The following PATJ variants were observed in gnomAD, a reference collection of about 807,000 sequenced individuals.
PATJ encodes inaD-like protein.
Under a neutral mutation model 224.9 loss-of-function variants are expected in PATJ, and 190 were observed. That is an observed-to-expected ratio of 0.84 (90% CI 0.75 to 0.95). The LOEUF (loss-of-function observed/expected upper bound fraction) is 0.95, where lower values mean the gene tolerates loss of function less well. PATJ is among the 40% of genes least tolerant of loss of function. PATJ has a pLI of 0.00. For synonymous variants in PATJ, 769 were observed against 820.3 expected, an observed-to-expected ratio of 0.94 and a Z score of 1.07; for missense variants, 2,121 against 2,270.3, an observed-to-expected ratio of 0.93 and a Z score of 1.34.
intron 32 of PATJ, among the ~76,000 whole-genome samples, chr1:62,083,597 A>G (rs1263089532): frequency 6.6e-6 from 1 of 152,218 alleles, no homozygotes; most frequent in East Asian, 1.9e-4. Context: ...AACCTTTGTA[A>G]AAAAGCAATA....
intron 20 of PATJ, among the ~76,000 whole-genome samples, chr1:61,874,148 G>C (rs1439860299): frequency 6.6e-6 from 1 of 151,930 alleles, no homozygotes; most frequent in Non-Finnish European, 1.5e-5. Context: ...GGGTGGAAGA[G>C]TGGAATGAGC....
At chr1:61,908,964 T>C (rs913598879) in intron 25 of PATJ, among the ~76,000 whole-genome samples, 1 of 152,180 alleles carries the variant, frequency 6.6e-6, no homozygotes, top group African/African-American at 2.4e-5. Flanking sequence ...ACAGCAATAT[T>C]TAATCATAAA....
At chr1:61,915,917 G>C (rs1039088871) in intron 26 of PATJ, among the ~76,000 whole-genome samples, 1 of 151,884 alleles carries the variant, frequency 6.6e-6, no homozygotes, top group South Asian at 2.1e-4. Flanking sequence ...GGATGGTCTC[G>C]ATCTCTTGAC....
chr1:62,141,691 C>G (rs1347983379), intron 41 of PATJ, among the ~76,000 whole-genome samples: 1 of 135,512 alleles, frequency 7.4e-6, no homozygotes, highest in Non-Finnish European at 1.6e-5. Context: ...AAAAAAAATA[C>G]GGTGACTCAC....
intron 41 of PATJ, among the ~76,000 whole-genome samples, chr1:62,131,291 G>C (rs139744819): frequency 8.0e-4 from 122 of 152,188 alleles, no homozygotes; most frequent in Middle Eastern, 3.4e-3. Flanking sequence ...TTCACGTTAT[G>C]CTGACCCCTA....
chr1:62,123,367 A>G (rs1233777995), intron 39 of PATJ, among the ~76,000 whole-genome samples: 1 of 151,818 alleles, frequency 6.6e-6, no homozygotes, highest in African/African-American at 2.4e-5. Flanking sequence ...TAAAACAAAA[A>G]TGGTATCATG....
intron 29 of PATJ, among the ~76,000 whole-genome samples, chr1:62,033,571 C>G (rs1337381543): frequency 9.2e-5 from 14 of 152,160 alleles, no homozygotes; most frequent in Admixed American, 9.2e-4. Flanking sequence ...GCATCTGCCC[C>G]CTTTATCCAA....
chr1:61,989,124 A>C (rs1345393226), intron 27 of PATJ, among the ~76,000 whole-genome samples: 1 of 152,214 alleles, frequency 6.6e-6, no homozygotes, highest in East Asian at 1.9e-4. Flanking sequence ...TTTGCTGCAC[A>C]GAACCAACAC....
chr1:62,068,211 G>A (rs1322387338), intron 31 of PATJ, among the ~76,000 whole-genome samples: 1 of 152,210 alleles, frequency 6.6e-6, no homozygotes. Context: ...GGAGAGATGG[G>A]CTCCACCCTG....
chr1:61,771,204 C>G (rs1301239382), intron 5 of PATJ, among the ~76,000 whole-genome samples: 1 of 152,022 alleles, frequency 6.6e-6, no homozygotes, highest in Non-Finnish European at 1.5e-5. Flanking sequence ...AGGCAGATAG[C>G]TTTTAAAGTG....
intron 20 of PATJ, among the ~76,000 whole-genome samples, chr1:61,871,541 A>G (rs867515722): frequency 0.01 from 424 of 41,828 alleles, 2 homozygotes; most frequent in African/African-American, 0.019. Flanking sequence ...GTGTGTGTGT[A>G]TATATATATA....
intron 31 of PATJ, chr1:62,073,017 T>G: frequency 2.0e-6 from 2 of 985,262 alleles, no homozygotes; most frequent in Non-Finnish European, 2.4e-6. Flanking sequence ...CTTTTACATT[T>G]CAGGAAGACA....
At chr1:61,905,226 G>T (rs770032484) in intron 24 of PATJ, among the ~76,000 whole-genome samples, 1 of 152,226 alleles carries the variant, frequency 6.6e-6, no homozygotes, top group Non-Finnish European at 1.5e-5. Flanking sequence ...CTGTTTTCTG[G>T]GGTGTCAGAG....
At chr1:61,784,637 G>C (rs573195331) in intron 7 of PATJ, among the ~76,000 whole-genome samples, 1 of 152,328 alleles carries the variant, frequency 6.6e-6, no homozygotes, top group South Asian at 2.1e-4. Flanking sequence ...AGCCAAGTAT[G>C]AAAACACTTA....
chr1:62,024,904 G>A (rs1647551375), intron 29 of PATJ, among the ~76,000 whole-genome samples: 2 of 152,076 alleles, frequency 1.3e-5, no homozygotes, highest in Admixed American at 6.6e-5. Flanking sequence ...TATTCATAGA[G>A]CCACAGTGCC....
chr1:61,883,005 A>G (rs933340763), intron 21 of PATJ, among the ~76,000 whole-genome samples: 4 of 151,810 alleles, frequency 2.6e-5, no homozygotes, highest in African/African-American at 9.7e-5. Flanking sequence ...TATAGACAAT[A>G]TATGTGGACA....
At chr1:61,821,883 T>G (rs1657337717) in intron 14 of PATJ, among the ~76,000 whole-genome samples, 1 of 152,210 alleles carries the variant, frequency 6.6e-6, no homozygotes, top group South Asian at 2.1e-4. Flanking sequence ...TGCCCTTGAC[T>G]GTTACAACCA....
chr1:61,936,706 G>A (rs1428941465), intron 27 of PATJ, among the ~76,000 whole-genome samples: 1 of 151,868 alleles, frequency 6.6e-6, no homozygotes, highest in African/African-American at 2.4e-5. Flanking sequence ...CAAGTAGCTG[G>A]GATTACAGGC....
chr1:61,925,689 A>G (rs1376151668), intron 26 of PATJ, among the ~76,000 whole-genome samples: 2 of 152,228 alleles, frequency 1.3e-5, no homozygotes, highest in African/African-American at 4.8e-5. Flanking sequence ...TGTTCAAAGT[A>G]TAATTTAAGA....
Sources: allele counts gnomAD v4.1 joint callset (sites outside exome capture counted in the v4.1 genomes callset), GRCh38; gene constraint gnomAD v4.1.1; transcripts MANE v1.5; gene names NCBI Gene and HGNC (gene_info 2026-07-23, HGNC 2026-07-21).